Variants in DDX55 observed in about 807,000 individuals in gnomAD.
DDX55 encodes ATP-dependent RNA helicase DDX55.
Under a neutral mutation model 69.2 loss-of-function variants are expected in DDX55, and 56 were observed. The observed-to-expected ratio is 0.81, with a 90% CI of 0.65 to 1.01. The LOEUF is 1.01. Among genes scored for constraint, DDX55 ranks in the 50% least tolerant of loss-of-function variants. The pLI, the probability that DDX55 is intolerant of heterozygous loss-of-function variation, is 0.00. For missense variants in DDX55, 720 were observed against 745.1 expected (o/e 0.97, Z 0.39); for synonymous variants, 268 against 273.1 (o/e 0.98, Z 0.18).
intron 1 of DDX55, among the ~76,000 whole-genome samples, chr12:123,603,746 C>T (rs757636932): frequency 4.6e-5 from 7 of 151,876 alleles, no homozygotes; most frequent in African/African-American, 1.2e-4. Context: ...GACTGGCGTG[C>T]GTATCAGGTT....
chr12:123,616,021 T>C (rs1045343010), intron 9 of DDX55, among the ~76,000 whole-genome samples: 9 of 152,076 alleles, frequency 5.9e-5, no homozygotes, highest in Admixed American at 5.2e-4. Flanking sequence ...CAAAAAACTG[T>C]CTGTGGCTTA....
At chr12:123,618,245 CA>C (rs971502623) in intron 11 of DDX55, 16 of 428,158 alleles carry the variant, frequency 3.7e-5, no homozygotes, top group African/African-American at 3.3e-4. Flanking sequence ...CTCCCGACCT[CA>C]GGTGATCCGC....
intron 1 of DDX55, 165 bp from the exon 2 acceptor site, chr12:123,605,766 T>A: frequency 1.1e-6 from 1 of 899,858 alleles, no homozygotes; most frequent in Non-Finnish European, 1.8e-6. Context: ...ATAGACACAG[T>A]TGCCACGTTT....
rs376035037 is a variant in DDX55 at position 123,610,005 on chromosome 12, G to C, written c.618G>C (p.Thr206=). The C allele has an allele frequency of 4.3e-6, 7 of 1,614,150 alleles. No individual in the cohort carries two copies. Among genetic ancestry groups the C allele is most frequent in the Non-Finnish European group, 5.9e-6 (7 of 1,180,030 alleles). ...RRTGLFSATQ[T]QEVENLVRAG... ...CAGGCCTTTTCTCTGCCACTCAGACGCAGGAAGTGGAGAACCTGGTGAGAG... is the reference window on the plus strand; with the variant it reads ...CAGGCCTTTTCTCTGCCACTCAGACCCAGGAAGTGGAGAACCTGGTGAGAG... Residue 206 remains threonine, a synonymous_variant, in exon 7 of 14, where the codon ACG becomes ACC. Transcript: ENST00000238146.
chr12:123,609,323 AT>A (rs2135705060), intron 6 of DDX55, among the ~76,000 whole-genome samples: 1 of 144,838 alleles, frequency 6.9e-6, no homozygotes, highest in South Asian at 2.2e-4. Flanking sequence ...CTACCACGTG[AT>A]TTTATTCCAG....
At chr12:123,603,014 C>T (rs1593658149) in intron 1 of DDX55, among the ~76,000 whole-genome samples, 1 of 152,278 alleles carries the variant, frequency 6.6e-6, no homozygotes, top group East Asian at 1.9e-4. Flanking sequence ...AAATGCCCTG[C>T]GGCAGGCTGC....
rs183273981 is a variant in DDX55, at chr12:123,608,818, G to A, written c.540G>A (p.Gly180=). The A allele has an allele frequency of 2.5e-6, 4 of 1,613,926 alleles. No individual in the cohort carries two copies. The East Asian group carries it at 8.9e-5, about 36-fold the overall frequency. Residue 180 remains glycine (G), a synonymous_variant, in exon 6 of 14, where the codon GGG becomes GGA. Transcript: ENST00000238146. ...LDEADRLLDM[G]FEASINTILE... ...AGGCAGACAGACTTCTGGACATGGG[G>A]TTTGAGGCAAGGTACTGGACTTTGG...
chr12:123,607,099 A>G (rs1953938613), intron 3 of DDX55, among the ~76,000 whole-genome samples: 1 of 152,222 alleles, frequency 6.6e-6, no homozygotes, highest in African/African-American at 2.4e-5. Context: ...AAGCACAAAC[A>G]GACATAAAAT....
At chr12:123,617,641 G>A (rs1954776249) in intron 10 of DDX55, 117 bp from the exon 11 acceptor site, 1 of 770,442 alleles carries the variant, frequency 1.3e-6, no homozygotes, top group East Asian at 2.7e-5. Context: ...TCCACACTGA[G>A]CTGTGGAGGC....
At position 123,607,321 on chromosome 12, in the gene DDX55, CT is replaced by C. The variant is rs1048072713; in HGVS notation, c.247-110del. 1.4e-5 allele frequency: 16 copies of C among 1,160,374 alleles called. No individual in the cohort carries two copies. The African/African-American group carries it at 2.3e-4, about 17-fold the overall frequency. The allele number at this position is 1,160,374 out of a possible 1,614,324, so 71.9% of individuals were successfully genotyped here. A position where few individuals can be genotyped will look rare whatever the true frequency, so the allele number is the denominator to read the frequency against. On this transcript the variant is annotated intron_variant, in intron 3 of 13. Coordinates refer to ENST00000238146, the MANE Select transcript of DDX55 (RefSeq NM_020936.3). ...AGATGCTGCTGAGAAAGTCTGGGAA[CT>C]ACTGTTTCTCTGGAACTTTCCTTTG...
rs1280306554 is a variant in DDX55, at chr12:123,620,733, TTGACCTCC to T, written c.*597_*604del. 7.9e-5 allele frequency: 12 copies of T among 151,174 alleles called. No individual in the cohort carries two copies. The highest frequency in any genetic ancestry group is 1.0e-4 in the Non-Finnish European group (7 of 67,842). The allele number at this position is 151,174 out of a possible 1,614,324, so 9.4% of individuals were successfully genotyped here. ...ACCATTCCTCAGTATCTTCAGGCATTTGACCTCCTGAATGTGCTTGGCCCTGGGCTTCA... is the reference window on the plus strand; with the variant it reads ...ACCATTCCTCAGTATCTTCAGGCATTTGAATGTGCTTGGCCCTGGGCTTCA... On this transcript the variant is annotated 3_prime_UTR_variant, in exon 14 of 14. Coordinates refer to ENST00000238146, the MANE Select transcript of DDX55 (RefSeq NM_020936.3).
chr12:123,618,395 C>T, intron 11 of DDX55: 3 of 873,786 alleles, frequency 3.4e-6, no homozygotes, highest in Non-Finnish European at 5.4e-6. Context: ...CTGCTGGGAC[C>T]CAGGCAAGGG....
At chr12:123,606,248 G>T (rs1953885332) in intron 3 of DDX55, 89 bp downstream of exon 3, 3 of 1,496,354 alleles carry the variant, frequency 2.0e-6, no homozygotes, top group East Asian at 2.4e-5. Flanking sequence ...GAAAAAATAG[G>T]CCAGAAGCCG....
rs556702353 is a variant in DDX55, at chr12:123,619,193, C to T, written c.1334-239C>T. 1.0e-3 allele frequency among the ~76,000 whole-genome samples: 158 copies of T among 152,240 alleles called. 1 individual carries two copies. The Middle Eastern group carries it at 0.02, about 20-fold the overall frequency. ...AATTTTTTGTATTTTTTAGTAGAGACGGGGTTTCACCGTGTTAGCCAGGAT... is the reference window on the plus strand; with the variant it reads ...AATTTTTTGTATTTTTTAGTAGAGATGGGGTTTCACCGTGTTAGCCAGGAT... On this transcript the variant is annotated intron_variant, in intron 12 of 13. Coordinates refer to ENST00000238146, the MANE Select transcript of DDX55 (RefSeq NM_020936.3).
At chr12:123,604,110 T>G (rs565814770) in intron 1 of DDX55, among the ~76,000 whole-genome samples, 3 of 152,118 alleles carry the variant, frequency 2.0e-5, no homozygotes, top group African/African-American at 7.2e-5. Flanking sequence ...ACAAGAGTCC[T>G]GTTTTTAAAC....
chr12:123,618,239 C>T lies in DDX55; in HGVS notation c.1164+367C>T, dbSNP rs189138304. On this transcript the variant is annotated intron_variant, in intron 11 of 13. Transcript: ENST00000238146. ...GTTGGTCAGGCTGGTCTTGAACTCCCGACCTCAGGTGATCCGCCCACCTCG... is the reference window on the plus strand; with the variant it reads ...GTTGGTCAGGCTGGTCTTGAACTCCTGACCTCAGGTGATCCGCCCACCTCG... 82 of 413,574 alleles carry T rather than the reference C, an allele frequency of 2.0e-4. No homozygotes were observed. In the Middle Eastern group the frequency reaches 7.2e-3, roughly 36 times the overall value. 25.6% of individuals were successfully genotyped at this position (413,574 alleles called of 1,614,324 possible). A position where few individuals can be genotyped will look rare whatever the true frequency, so the allele number is the denominator to read the frequency against.
At chr12:123,616,934 C>T (rs1020884150) in intron 10 of DDX55, 30 of 277,808 alleles carry the variant, frequency 1.1e-4, no homozygotes, top group Admixed American at 3.9e-4. Context: ...GCAGGTGAAT[C>T]GTTTGAGCCC....
Position 123,619,570 on chromosome 12 carries a change from G to C in DDX55, c.1472G>C (p.Arg491Thr), listed in dbSNP as rs1954993192. The change falls in exon 13 of 14, where the codon AGA becomes ACA. Residue 491 changes from arginine to threonine, a missense_variant. Coordinates refer to ENST00000238146, the MANE Select transcript of DDX55 (RefSeq NM_020936.3). ...ACGATTCCATTTAAAGATAAAATCA[G>C]AGAAAAGCAGAGGCAGAAACTCCTG... ...TDTIPFKDKI[R>T]EKQRQKLLEQ... 2 of 1,613,926 alleles carry C rather than the reference G, an allele frequency of 1.2e-6. No individual in the cohort carries two copies. Among genetic ancestry groups the C allele is most frequent in the East Asian group, 4.5e-5 (2 of 44,880 alleles).
chr12:123,603,597 G>A (rs1167980128), intron 1 of DDX55, among the ~76,000 whole-genome samples: 1 of 151,796 alleles, frequency 6.6e-6, no homozygotes. Flanking sequence ...TCACCATCTC[G>A]GCCAGGTTGG....
Sources: allele counts gnomAD v4.1 joint callset (sites outside exome capture counted in the v4.1 genomes callset), GRCh38; gene constraint gnomAD v4.1.1; transcripts MANE v1.5; gene names NCBI Gene and HGNC (gene_info 2026-07-23, HGNC 2026-07-21).